The following SMOC2 variants were observed in gnomAD, a reference collection of about 807,000 sequenced individuals.
SMOC2 encodes the protein SPARC related modular calcium binding 2.
Under a neutral mutation model 61.4 loss-of-function variants are expected in SMOC2, and 39 were observed. The ratio of observed to expected loss-of-function variants is 0.64; its 90% CI spans 0.49 to 0.83. SMOC2 has a LOEUF of 0.83. Ranked by LOEUF, SMOC2 falls within the 40% of genes least tolerant of loss-of-function variation. SMOC2 has a pLI of 0.00. For missense variants in SMOC2, 556 were observed against 592.9 expected (o/e 0.94, Z 0.65); for synonymous variants, 247 against 239.9 (o/e 1.03, Z -0.27).
chr6:168,625,066 C>T (rs1284519207), intron 9 of SMOC2, among the ~76,000 whole-genome samples: 1 of 152,204 alleles, frequency 6.6e-6, no homozygotes, highest in Non-Finnish European at 1.5e-5. Flanking sequence ...CGACCCTGCC[C>T]CCTGGACACT....
intron 1 of SMOC2, among the ~76,000 whole-genome samples, chr6:168,477,072 T>C (rs1782103801): frequency 6.6e-6 from 1 of 152,224 alleles, no homozygotes; most frequent in African/African-American, 2.4e-5. Flanking sequence ...TTAAGGTTGG[T>C]TAACTTTAAA....
At position 168,603,227 on chromosome 6, in the gene SMOC2, G is replaced by A. The variant is rs143572903; in HGVS notation, c.824+4223G>A. ...GAGGCCTCCCCAACCATGCCAAACT[G>A]TGAGTCAATTAAACCTTTTTTTTTT... is the stretch of plus-strand genomic sequence containing the variant. On this transcript the variant is annotated intron_variant, in intron 8 of 12. Coordinates refer to ENST00000356284, the MANE Select transcript of SMOC2 (RefSeq NM_001166412.2). Among the ~76,000 whole-genome samples the A allele has an allele frequency of 7.4e-3, 1,072 of 144,780 alleles. 15 individuals carry two copies. Among genetic ancestry groups the A allele is most frequent in the African/African-American group, 0.024 (930 of 39,300 alleles). The allele number at this position is 144,780 out of a possible 152,430, so 95.0% of individuals were successfully genotyped here.
chr6:168,559,659 T>G (rs1784349112), intron 7 of SMOC2, among the ~76,000 whole-genome samples: 1 of 152,056 alleles, frequency 6.6e-6, no homozygotes, highest in Non-Finnish European at 1.5e-5. Context: ...ATGCCTGTGC[T>G]CATCTGCCAG....
chr6:168,666,379 A>T, intron 12 of SMOC2, 42 bp from the exon 13 acceptor site: 2 of 1,613,010 alleles, frequency 1.2e-6, no homozygotes, highest in Non-Finnish European at 1.7e-6. Context: ...AGCGACACAC[A>T]CCTCTGAATA....
rs138429562 is a variant in SMOC2 at position 168,664,107 on chromosome 6, G to C, written c.1319G>C (p.Arg440Thr). 1 of 1,602,292 alleles carries C rather than the reference G, an allele frequency of 6.2e-7. No homozygotes were observed. The highest frequency in any genetic ancestry group is 1.3e-5 in the African/African-American group (1 of 74,728). ...PRGHAESTSN[R>T]QPRKQG ...GGTCATGCTGAAAGTACGTCTAATAGACAGGTAAGTATGTTTATATTTTAC... is the reference window on the plus strand; with the variant it reads ...GGTCATGCTGAAAGTACGTCTAATACACAGGTAAGTATGTTTATATTTTAC... Residue 440 changes from arginine (R) to threonine (T), a missense_variant, in exon 12 of 13, where the codon AGA (arginine) becomes ACA (threonine). Coordinates refer to ENST00000356284, the MANE Select transcript of SMOC2 (RefSeq NM_001166412.2).
At chr6:168,529,353 C>T (rs886755774) in intron 4 of SMOC2, among the ~76,000 whole-genome samples, 6 of 152,156 alleles carry the variant, frequency 3.9e-5, no homozygotes, top group East Asian at 1.9e-4. Flanking sequence ...TGAAAAGCTT[C>T]GATGCCGAGG....
At chr6:168,497,884 A>T (rs1782631108) in intron 1 of SMOC2, among the ~76,000 whole-genome samples, 1 of 152,192 alleles carries the variant, frequency 6.6e-6, no homozygotes, top group African/African-American at 2.4e-5. Context: ...AATAAAATGA[A>T]GTCTCACTGC....
At chr6:168,566,469 T>G (rs965108834) in intron 7 of SMOC2, among the ~76,000 whole-genome samples, 1 of 148,352 alleles carries the variant, frequency 6.7e-6, no homozygotes, top group Non-Finnish European at 1.5e-5. Context: ...TTATGGATAT[T>G]GTAGCACTTC....
chr6:168,644,651 T>TTC (rs1407786018), intron 9 of SMOC2, among the ~76,000 whole-genome samples: 1 of 137,638 alleles, frequency 7.3e-6, no homozygotes, highest in African/African-American at 3.0e-5. Context: ...TTTCTTTTTT[T>TTC]TTTTTTTTTT....
At chr6:168,474,937 T>C (rs7765752) in intron 1 of SMOC2, among the ~76,000 whole-genome samples, 7,474 of 152,224 alleles carry the variant, frequency 0.049, 628 homozygotes, top group African/African-American at 0.17. Context: ...TCCTTTATGT[T>C]TGTAAGTGAT....
chr6:168,523,590 G>A (rs924452410), intron 2 of SMOC2, among the ~76,000 whole-genome samples: 3 of 150,284 alleles, frequency 2.0e-5, no homozygotes, highest in South Asian at 2.1e-4. Flanking sequence ...TAGTAGAGAC[G>A]GGGTTTCACC....
In SMOC2 at chr6:168,652,342, C is replaced by T. The variant is rs1215064563; in HGVS notation, c.1011-612C>T. Among the ~76,000 whole-genome samples, 7 of 152,276 alleles carry T rather than the reference C, an allele frequency of 4.6e-5. No individual in the cohort carries two copies. The East Asian group carries it at 1.4e-3, about 29-fold the overall frequency. Reference sequence around the variant, plus strand: ...ACAGCTCATCCCAACAGGCAGAATCCAGGGGCCAGCACCTCCAGGAGGGCC... The same window carrying T: ...ACAGCTCATCCCAACAGGCAGAATCTAGGGGCCAGCACCTCCAGGAGGGCC... On this transcript the variant is annotated intron_variant, in intron 10 of 12. Transcript: ENST00000356284.
At chr6:168,521,860 G>A (rs1783336609) in intron 2 of SMOC2, among the ~76,000 whole-genome samples, 1 of 152,188 alleles carries the variant, frequency 6.6e-6, no homozygotes, top group Non-Finnish European at 1.5e-5. Context: ...TGCCGACAGA[G>A]ACCCTGTCTC....
At chr6:168,537,072 G>A (rs1157135976) in intron 4 of SMOC2, among the ~76,000 whole-genome samples, 1 of 152,264 alleles carries the variant, frequency 6.6e-6, no homozygotes, top group East Asian at 1.9e-4. Context: ...CCAGTGCCGG[G>A]ATTCTGGCTC....
intron 7 of SMOC2, among the ~76,000 whole-genome samples, chr6:168,571,522 C>A (rs2115142402): frequency 6.6e-6 from 1 of 152,300 alleles, no homozygotes; most frequent in East Asian, 1.9e-4. Context: ...TTGTGAGGCG[C>A]TTTTCCACGG....
At chr6:168,450,842 G>A (rs1781444193) in intron 1 of SMOC2, among the ~76,000 whole-genome samples, 1 of 152,148 alleles carries the variant, frequency 6.6e-6, no homozygotes, top group Non-Finnish European at 1.5e-5. Flanking sequence ...ATAATCCTAA[G>A]TGTCTCCAAA....
intron 8 of SMOC2, among the ~76,000 whole-genome samples, chr6:168,599,322 TTC>T (rs1785439975): frequency 1.3e-5 from 1 of 78,640 alleles, no homozygotes; most frequent in East Asian, 4.2e-4. Context: ...CCCACACTGT[TTC>T]ACACACACTC....
rs1367697027 is a variant in SMOC2, at chr6:168,453,882, GTC to G, written c.84+12434_84+12435del. Among the ~76,000 whole-genome samples, 1 of 149,800 alleles carries G rather than the reference GTC, an allele frequency of 6.7e-6. No homozygotes were observed. The highest frequency in any genetic ancestry group is 1.5e-5 in the Non-Finnish European group (1 of 67,482). ...TGGATCTCTGCCATTCTCCATCTCT[GTC>G]TCTCTATCTCTCTTTCTCTCTGTCT... On this transcript the variant is annotated intron_variant, in intron 1 of 12. Coordinates refer to ENST00000356284, the MANE Select transcript of SMOC2 (RefSeq NM_001166412.2). The surrounding 1 kb of genome is among the most constrained non-coding windows in gnomAD (Gnocchi z 4.4).
intron 4 of SMOC2, among the ~76,000 whole-genome samples, chr6:168,537,330 C>G (rs1382772452): frequency 6.6e-6 from 1 of 152,146 alleles, no homozygotes; most frequent in Non-Finnish European, 1.5e-5. Context: ...TGTCCTAATA[C>G]AGCACTCTGC....
Sources: allele counts gnomAD v4.1 joint callset (sites outside exome capture counted in the v4.1 genomes callset), GRCh38; gene constraint gnomAD v4.1.1; non-coding constraint Gnocchi (gnomAD v3.1); transcripts MANE v1.5; gene names NCBI Gene and HGNC (gene_info 2026-07-23, HGNC 2026-07-21).